Variants in TM9SF2 observed in about 807,000 individuals in gnomAD.
TM9SF2 encodes transmembrane 9 superfamily member 2.
Under a neutral mutation model 84.9 loss-of-function variants are expected in TM9SF2, and 13 were observed. The ratio of observed to expected loss-of-function variants is 0.15; its 90% CI spans 0.10 to 0.24. The LOEUF is 0.24. TM9SF2 is among the 10% of genes least tolerant of loss of function. The pLI, the probability that TM9SF2 is intolerant of heterozygous loss-of-function variation, is 1.00. For missense variants in TM9SF2, 562 were observed against 818.5 expected (o/e 0.69, Z 3.82); for synonymous variants, 273 against 285.8 (o/e 0.96, Z 0.45).
At chr13:99,555,753 T>C in intron 15 of TM9SF2, 106 bp downstream of exon 15, 2 of 668,438 alleles carry the variant, frequency 3.0e-6, no homozygotes, top group Non-Finnish European at 4.9e-6. Context: ...GTATGTTTAT[T>C]ATGATAGACA....
intron 3 of TM9SF2, among the ~76,000 whole-genome samples, chr13:99,525,930 G>T (rs1216022386): frequency 6.6e-6 from 1 of 152,200 alleles, no homozygotes; most frequent in African/African-American, 2.4e-5. Context: ...GAAAAGTGAT[G>T]ATTTAGGAGA....
intron 9 of TM9SF2, 25 bp from the exon 10 acceptor site, chr13:99,543,838 C>T (rs202027453): frequency 1.2e-5 from 19 of 1,611,418 alleles, no homozygotes; most frequent in Admixed American, 3.3e-5. Context: ...ATGAGACAAT[C>T]GAACTGATTT....
At position 99,555,623 on chromosome 13, in the gene TM9SF2, T is replaced by G. The variant is rs2046322251; in HGVS notation, c.1728T>G (p.Leu576=). The change falls in exon 15 of 17, where the codon CTT becomes CTG. Residue 576 remains leucine, a synonymous_variant. Coordinates refer to ENST00000376387, the MANE Select transcript of TM9SF2 (RefSeq NM_004800.3). The stretch of plus-strand genomic sequence containing the variant: ...CCTGTTCTGAAGCAACTATACTTCT[T>G]TGCTATTTCCACCTATGTGCAGAGG... ...VITCSEATIL[L]CYFHLCAEDY... 2.5e-6 allele frequency: 4 copies of G among 1,613,742 alleles called. No homozygotes were observed. In the African/African-American group the frequency reaches 5.3e-5, roughly 21 times the overall value.
chr13:99,514,334 G>A (rs529985817), intron 1 of TM9SF2: 20 of 152,304 alleles, frequency 1.3e-4, no homozygotes, highest in African/African-American at 3.8e-4. Context: ...CCCTATGCAG[G>A]TGTAACATTT....
intron 9 of TM9SF2, among the ~76,000 whole-genome samples, chr13:99,542,954 G>C (rs1257623652): frequency 1.3e-5 from 2 of 152,094 alleles, no homozygotes; most frequent in Non-Finnish European, 2.9e-5. Flanking sequence ...AGGGACTTCT[G>C]TTCAGTCAGA....
Position 99,501,738 on chromosome 13 carries a change from C to T in TM9SF2, c.132C>T (p.Val44=). 1 of 1,612,186 alleles carries T rather than the reference C, an allele frequency of 6.2e-7. No homozygotes were observed. Among genetic ancestry groups the T allele is most frequent in the Non-Finnish European group, 8.5e-7 (1 of 1,179,642 alleles). The change falls in exon 1 of 17, where the codon GTC becomes GTT. Residue 44 remains valine (V), a synonymous_variant. Transcript: ENST00000376387. ...GAFYLPGLAP[V]NFCDEEKKSD... is the part of the protein sequence containing the mutation. ...TCTACCTGCCCGGCCTGGCGCCCGT[C>T]AACTTCTGCGACGAAGAAAAAAAGA... is the stretch of plus-strand genomic sequence containing the variant.
intron 6 of TM9SF2, among the ~76,000 whole-genome samples, chr13:99,538,549 CTT>C (rs756844049): frequency 6.6e-5 from 10 of 151,694 alleles, no homozygotes; most frequent in Admixed American, 2.6e-4. Flanking sequence ...AATCTGAACA[CTT>C]TGGGAAGGCC....
At chr13:99,516,223 C>T (rs1043428968) in intron 1 of TM9SF2, among the ~76,000 whole-genome samples, 3 of 152,312 alleles carry the variant, frequency 2.0e-5, no homozygotes, top group East Asian at 1.9e-4. Context: ...TGCTGCCTTT[C>T]TGGTGGCAGT....
chr13:99,540,495 CTTTTTT>C (rs201378003), intron 7 of TM9SF2: 30 of 141,268 alleles, frequency 2.1e-4, no homozygotes, highest in Non-Finnish European at 2.5e-4. Context: ...ACTAGGAATT[CTTTTTT>C]TTTTTTTTTT....
intron 1 of TM9SF2, among the ~76,000 whole-genome samples, chr13:99,503,625 G>A (rs1294396890): frequency 2.0e-5 from 3 of 148,712 alleles, no homozygotes; most frequent in African/African-American, 7.5e-5. Flanking sequence ...AGGAAGAATC[G>A]CTTGAACTCT....
chr13:99,523,674 G>A (rs1289004248), intron 3 of TM9SF2, among the ~76,000 whole-genome samples: 1 of 152,220 alleles, frequency 6.6e-6, no homozygotes, highest in African/African-American at 2.4e-5. Context: ...TAACACATTT[G>A]CTCAGTACCT....
intron 10 of TM9SF2, among the ~76,000 whole-genome samples, chr13:99,546,305 A>G (rs1027772479): frequency 1.3e-5 from 2 of 152,208 alleles, no homozygotes; most frequent in Non-Finnish European, 2.9e-5. Flanking sequence ...AGCACCTTAT[A>G]ACTTCTGAGC....
At chr13:99,558,252 G>C (rs567643986) in intron 15 of TM9SF2, among the ~76,000 whole-genome samples, 4 of 152,316 alleles carry the variant, frequency 2.6e-5, no homozygotes, top group Admixed American at 2.6e-4. Context: ...AATCAAAAAG[G>C]CTGAGTCCTC....
At chr13:99,560,791 C>G (rs901581188) in intron 16 of TM9SF2, among the ~76,000 whole-genome samples, 1 of 152,158 alleles carries the variant, frequency 6.6e-6, no homozygotes, top group Non-Finnish European at 1.5e-5. Flanking sequence ...ACGCCATTCT[C>G]CTGCCTCAGC....
intron 1 of TM9SF2, among the ~76,000 whole-genome samples, chr13:99,513,078 A>G (rs757701978): frequency 2.5e-4 from 38 of 152,252 alleles, no homozygotes; most frequent in Non-Finnish European, 4.1e-4. Flanking sequence ...AACAGTTACC[A>G]TGTTTTTGAG....
In TM9SF2 at chr13:99,560,162, C is replaced by T. The variant is rs2046338312; in HGVS notation, c.1924+628C>T. 2.0e-5 allele frequency among the ~76,000 whole-genome samples: 3 copies of T among 152,312 alleles called. No individual in the cohort carries two copies. In the South Asian group the frequency reaches 6.2e-4, roughly 32 times the overall value. On this transcript the variant is annotated intron_variant, in intron 16 of 16. Coordinates refer to ENST00000376387, the MANE Select transcript of TM9SF2 (RefSeq NM_004800.3). The stretch of plus-strand genomic sequence containing the variant: ...GAGTGACTGAACTTAGGAATTATAG[C>T]ACCTTCCTTTGTCACAAGTAACGCT...
At chr13:99,515,792 G>A (rs1411972811) in intron 1 of TM9SF2, among the ~76,000 whole-genome samples, 1 of 150,598 alleles carries the variant, frequency 6.6e-6, no homozygotes, top group Non-Finnish European at 1.5e-5. Context: ...GAGTGTAGTG[G>A]TGTGATCTTG....
chr13:99,519,838 T>C (rs531476958), intron 2 of TM9SF2, among the ~76,000 whole-genome samples, 198 bp from the exon 3 acceptor site: 1 of 152,288 alleles, frequency 6.6e-6, no homozygotes, highest in East Asian at 1.9e-4. Context: ...AAAAAAATAT[T>C]CGAAGGCATA....
chr13:99,541,626 C>G lies in TM9SF2; in HGVS notation c.976C>G (p.Leu326Val). Residue 326 changes from leucine to valine, a missense_variant, in exon 9 of 17, where the codon CTG (leucine) becomes GTG (valine). By Grantham distance (32) the Leu-to-Val change is conservative. This residue lies in a region of TM9SF2 where 219 missense variants were observed against 338.1 expected (regional missense o/e 0.65). Coordinates refer to ENST00000376387, the MANE Select transcript of TM9SF2 (RefSeq NM_004800.3). ...GGTAGCTATGATTATGTTACGGACA[C>G]TGCACAAAGATATTGCTAGATATAA... ...GMVAMIMLRT[L>V]HKDIARYNQM... 1 of 1,613,132 alleles carries G rather than the reference C, an allele frequency of 6.2e-7. No homozygotes were observed. The highest frequency in any genetic ancestry group is 8.5e-7 in the Non-Finnish European group (1 of 1,179,444).
Sources: allele counts gnomAD v4.1 joint callset (sites outside exome capture counted in the v4.1 genomes callset), GRCh38; gene constraint gnomAD v4.1.1; regional missense constraint gnomAD v4.1.1; transcripts MANE v1.5; gene names NCBI Gene and HGNC (gene_info 2026-07-23, HGNC 2026-07-21).